WASF2: variants seen among roughly 807,000 people sequenced by gnomAD.
WASF2 encodes the protein actin-binding protein WASF2.
A neutral mutation model predicts 45.0 loss-of-function variants in WASF2; 14 were observed. That is an observed-to-expected ratio of 0.31 (90% CI 0.21 to 0.49). WASF2 has a LOEUF of 0.49. Among genes scored for constraint, WASF2 ranks in the 20% least tolerant of loss-of-function variants. The pLI, the probability that WASF2 is intolerant of heterozygous loss-of-function variation, is 0.99. For synonymous variants in WASF2, 200 were observed against 236.3 expected (o/e 0.85, Z 1.41); for missense variants, 439 against 636.1 (o/e 0.69, Z 3.33).
chr1:27,419,303 A>G (rs1295350346), intron 2 of WASF2, among the ~76,000 whole-genome samples: 2 of 152,242 alleles, frequency 1.3e-5, no homozygotes, highest in Non-Finnish European at 2.9e-5. Flanking sequence ...TATAACTAAT[A>G]GAGTCTTCTT....
intron 1 of WASF2, among the ~76,000 whole-genome samples, chr1:27,441,319 C>T (rs1405925175): frequency 6.7e-6 from 1 of 149,628 alleles, no homozygotes; most frequent in African/African-American, 2.5e-5. Flanking sequence ...ATGACAAGGC[C>T]CTGTCTCTAT....
chr1:27,409,624 C>T lies in WASF2; in HGVS notation c.1339+68G>A. 6.5e-6 allele frequency: 9 copies of T among 1,394,326 alleles called. No homozygotes were observed. In the South Asian group the frequency reaches 2.0e-4, roughly 31 times the overall value. The allele number at this position is 1,394,326 out of a possible 1,614,324, so 86.4% of individuals were successfully genotyped here. On this transcript the variant is annotated intron_variant, in intron 8 of 8. Transcript: ENST00000618852. ...GGGCACAGGGACCCCCTCACCCATC[C>T]CCCAATCAGTCATCCCAGCTTCAGA...
At chr1:27,468,120 A>G (rs1421136471) in intron 1 of WASF2, among the ~76,000 whole-genome samples, 1 of 152,048 alleles carries the variant, frequency 6.6e-6, no homozygotes, top group African/African-American at 2.4e-5. Context: ...TTTAGTATAG[A>G]TGGGGTTTTA....
In WASF2 at chr1:27,405,926, C is replaced by T. The variant is rs1465055356; in HGVS notation, c.*2263G>A. 6.6e-6 allele frequency: 1 copy of T among 152,454 alleles called. No individual in the cohort carries two copies. Among genetic ancestry groups the T allele is most frequent in the Non-Finnish European group, 1.5e-5 (1 of 68,018 alleles). The allele number at this position is 152,454 out of a possible 1,614,324, so 9.4% of individuals were successfully genotyped here. ...CTCCCCACCTCCTCCTGCCCCCAGCCCTTTCCACGATGGACTCAGTCCATT... is the reference window on the plus strand; with the variant it reads ...CTCCCCACCTCCTCCTGCCCCCAGCTCTTTCCACGATGGACTCAGTCCATT... On this transcript the variant is annotated 3_prime_UTR_variant, in exon 9 of 9. Coordinates refer to ENST00000618852, the MANE Select transcript of WASF2 (RefSeq NM_006990.5).
intron 1 of WASF2, among the ~76,000 whole-genome samples, chr1:27,444,890 G>A (rs1010900057): frequency 6.6e-6 from 1 of 152,104 alleles, no homozygotes; most frequent in Non-Finnish European, 1.5e-5. Flanking sequence ...TTAAAAGCCC[G>A]AGGTGAGTGT....
At chr1:27,455,013 A>G (rs1308691695) in intron 1 of WASF2, among the ~76,000 whole-genome samples, 3 of 152,114 alleles carry the variant, frequency 2.0e-5, no homozygotes, top group Admixed American at 2.0e-4. Context: ...GTCACAGGGC[A>G]TGTACATCTT....
chr1:27,438,626 C>T (rs977494064), intron 1 of WASF2, among the ~76,000 whole-genome samples: 1 of 152,192 alleles, frequency 6.6e-6, no homozygotes, highest in Admixed American at 6.5e-5. Context: ...TTTGTTGACA[C>T]TTCAGGGCAA....
At chr1:27,417,099 G>C (rs2016837619) in intron 4 of WASF2, among the ~76,000 whole-genome samples, 1 of 152,140 alleles carries the variant, frequency 6.6e-6, no homozygotes, top group Admixed American at 6.5e-5. Context: ...TCAGATAACT[G>C]AGAGGCCACG....
At chr1:27,426,621 G>A (rs1053535921) in intron 2 of WASF2, among the ~76,000 whole-genome samples, 8 of 151,252 alleles carry the variant, frequency 5.3e-5, no homozygotes, top group South Asian at 2.1e-4. Flanking sequence ...AGCGATTCTC[G>A]TGCCTTAGCC....
chr1:27,446,407 A>G (rs571849040), intron 1 of WASF2, among the ~76,000 whole-genome samples: 5 of 152,322 alleles, frequency 3.3e-5, no homozygotes, highest in Admixed American at 2.6e-4. Flanking sequence ...TTTAAATTCT[A>G]ATGCTTTAGT....
At chr1:27,436,529 T>A (rs540153570) in intron 1 of WASF2, among the ~76,000 whole-genome samples, 5 of 152,230 alleles carry the variant, frequency 3.3e-5, no homozygotes, top group Non-Finnish European at 7.3e-5. Flanking sequence ...GAAAGTCGAA[T>A]AGTCATTTGA....
intron 4 of WASF2, 109 bp downstream of exon 4, chr1:27,418,160 A>C: frequency 7.8e-7 from 1 of 1,276,744 alleles, no homozygotes; most frequent in Admixed American, 3.0e-5. Context: ...TGGGGTAGGC[A>C]GTAAGCTTTT....
intron 1 of WASF2, among the ~76,000 whole-genome samples, chr1:27,458,398 TTTA>T (rs1430749293): frequency 6.6e-6 from 1 of 151,916 alleles, no homozygotes; most frequent in Non-Finnish European, 1.5e-5. Flanking sequence ...CAAATAGGTA[TTTA>T]TTTTATTATT....
Position 27,414,189 on chromosome 1 carries a change from T to A in WASF2, c.668+644A>T, listed in dbSNP as rs2016798977. ...ACCAGGTCAGACACCAGGATAAGCATCAAACCAAGCTTTAAAACCATCTTT... is the reference window on the plus strand; with the variant it reads ...ACCAGGTCAGACACCAGGATAAGCAACAAACCAAGCTTTAAAACCATCTTT... On this transcript the variant is annotated intron_variant, in intron 6 of 8. Transcript: ENST00000618852. The surrounding 1 kb of genome is among the most constrained non-coding windows in gnomAD (Gnocchi z 4.1). 1.3e-5 allele frequency among the ~76,000 whole-genome samples: 2 copies of A among 152,204 alleles called. No individual in the cohort carries two copies. The highest frequency in any genetic ancestry group is 6.5e-5 in the Admixed American group (1 of 15,272).
chr1:27,436,858 G>A (rs1177059018), intron 1 of WASF2, among the ~76,000 whole-genome samples: 4 of 152,164 alleles, frequency 2.6e-5, no homozygotes, highest in Non-Finnish European at 5.9e-5. Context: ...ATTTGACTGG[G>A]AAAACTGAGA....
chr1:27,426,381 A>G (rs1433044770), intron 2 of WASF2, among the ~76,000 whole-genome samples: 9 of 152,222 alleles, frequency 5.9e-5, no homozygotes, highest in Non-Finnish European at 4.4e-5. Flanking sequence ...GTGAAAGTCA[A>G]TGAAGTCTAA....
Position 27,414,316 on chromosome 1 carries a change from C to A in WASF2, c.668+517G>T, listed in dbSNP as rs1036284728. On this transcript the variant is annotated intron_variant, in intron 6 of 8. Transcript: ENST00000618852. This position sits in a 1 kb window ranked among gnomAD's most constrained non-coding sequence, Gnocchi z 4.1. ...ATATATAGCCTCAATACTGGCCAAG[C>A]AACCTTTCCCACACTGTCTATGAGG... Among the ~76,000 whole-genome samples, 24 of 152,224 alleles carry A rather than the reference C, an allele frequency of 1.6e-4. 1 individual carries two copies. The highest frequency in any genetic ancestry group is 1.3e-3 in the Admixed American group (20 of 15,288).
intron 1 of WASF2, among the ~76,000 whole-genome samples, chr1:27,469,227 G>A (rs777914771): frequency 6.6e-6 from 1 of 152,170 alleles, no homozygotes; most frequent in Non-Finnish European, 1.5e-5. Context: ...ATAGGGGTAT[G>A]GATGAAACAA....
chr1:27,462,536 G>A (rs1188126409), intron 1 of WASF2, among the ~76,000 whole-genome samples: 1 of 151,924 alleles, frequency 6.6e-6, no homozygotes, highest in African/African-American at 2.4e-5. Context: ...AAATTCCTGG[G>A]CTCAAGCGAT....
Sources: allele counts gnomAD v4.1 joint callset (sites outside exome capture counted in the v4.1 genomes callset), GRCh38; gene constraint gnomAD v4.1.1; non-coding constraint Gnocchi (gnomAD v3.1); transcripts MANE v1.5; gene names NCBI Gene and HGNC (gene_info 2026-07-23, HGNC 2026-07-21).